The following KIAA0825 variants were observed in gnomAD, a reference collection of about 807,000 sequenced individuals.
The protein encoded by KIAA0825 is uncharacterized protein KIAA0825.
A neutral mutation model predicts 147.6 loss-of-function variants in KIAA0825; 119 were observed. The ratio of observed to expected loss-of-function variants is 0.81; its 90% confidence interval spans 0.69 to 0.94. The LOEUF (loss-of-function observed/expected upper bound fraction) is 0.94, where lower values mean the gene tolerates loss of function less well. Among genes scored for constraint, KIAA0825 ranks in the 40% least tolerant of loss-of-function variants. The probability of loss-of-function intolerance (pLI) is 0.00; values close to 1 mark genes in which losing one functional copy is unlikely to be tolerated. For synonymous variants in KIAA0825, 470 were observed against 518.1 expected, an observed-to-expected ratio of 0.91 and a Z score of 1.26; for missense variants, 1,381 against 1,472.7, an observed-to-expected ratio of 0.94 and a Z score of 1.02.
At chr5:94,253,155 C>A (rs1333709439) in intron 20 of KIAA0825, among the ~76,000 whole-genome samples, 1 of 152,046 alleles carries the variant, frequency 6.6e-6, no homozygotes, top group East Asian at 1.9e-4. Flanking sequence ...CTGTTGATAT[C>A]TTAGATATAT....
intron 2 of KIAA0825, among the ~76,000 whole-genome samples, chr5:94,556,637 C>A (rs1776591648): frequency 6.6e-6 from 1 of 152,174 alleles, no homozygotes. Flanking sequence ...CTACCCATTA[C>A]AATACGCTTT....
chr5:94,159,806 C>T (rs1319623718), intron 20 of KIAA0825, among the ~76,000 whole-genome samples: 1 of 151,994 alleles, frequency 6.6e-6, no homozygotes, highest in East Asian at 1.9e-4. Flanking sequence ...CCTGCGATAA[C>T]CAATAAAATA....
At chr5:94,178,415 A>G (rs923899975) in intron 20 of KIAA0825, among the ~76,000 whole-genome samples, 1 of 151,938 alleles carries the variant, frequency 6.6e-6, no homozygotes, top group Non-Finnish European at 1.5e-5. Context: ...TTAATATTAT[A>G]TGATGTGATC....
At chr5:94,386,550 A>G in intron 18 of KIAA0825, 146 bp from the exon 19 acceptor site, 1 of 661,552 alleles carries the variant, frequency 1.5e-6, no homozygotes, top group Non-Finnish European at 2.5e-6. Context: ...ATATTTTCAG[A>G]AGATACATAG....
intron 20 of KIAA0825, among the ~76,000 whole-genome samples, chr5:94,242,349 C>G (rs1368603275): frequency 1.3e-5 from 2 of 152,086 alleles, no homozygotes; most frequent in Non-Finnish European, 2.9e-5. Context: ...GCTTTCATTC[C>G]CCGCTGATTC....
At chr5:94,379,860 T>C (rs936727244) in intron 20 of KIAA0825, among the ~76,000 whole-genome samples, 1 of 136,482 alleles carries the variant, frequency 7.3e-6, no homozygotes, top group African/African-American at 2.8e-5. Flanking sequence ...TTTTTTTTTT[T>C]TTTTTTTTTT....
chr5:94,501,090 A>G (rs958413154), intron 5 of KIAA0825, among the ~76,000 whole-genome samples: 1 of 152,240 alleles, frequency 6.6e-6, no homozygotes, highest in Non-Finnish European at 1.5e-5. Context: ...GAAAAAAATT[A>G]ATGTAGCACT....
intron 2 of KIAA0825, among the ~76,000 whole-genome samples, chr5:94,558,272 G>A (rs946596941): frequency 6.6e-6 from 1 of 152,142 alleles, no homozygotes; most frequent in African/African-American, 2.4e-5. Context: ...TGGGAGCTCT[G>A]GGAGCAAGGA....
intron 14 of KIAA0825, among the ~76,000 whole-genome samples, chr5:94,437,438 G>A (rs1275875250): frequency 6.6e-6 from 1 of 152,146 alleles, no homozygotes; most frequent in Non-Finnish European, 1.5e-5. Flanking sequence ...AATAGCCTTT[G>A]TTTAAAATGA....
chr5:94,435,525 A>T (rs1424127280), intron 14 of KIAA0825, among the ~76,000 whole-genome samples: 3 of 152,022 alleles, frequency 2.0e-5, no homozygotes, highest in Admixed American at 6.5e-5. Context: ...TCTATCATTG[A>T]TGGGCATTTA....
At chr5:94,161,780 C>T (rs1767609967) in intron 20 of KIAA0825, among the ~76,000 whole-genome samples, 1 of 152,156 alleles carries the variant, frequency 6.6e-6, no homozygotes, top group African/African-American at 2.4e-5. Flanking sequence ...TTATGAGCCT[C>T]AGGAATGTTT....
At chr5:94,352,881 T>A (rs180702017) in intron 20 of KIAA0825, among the ~76,000 whole-genome samples, 41 of 148,782 alleles carry the variant, frequency 2.8e-4, no homozygotes, top group African/African-American at 9.2e-4. Flanking sequence ...GCTATGAGGA[T>A]GCGAAGGCAT....
chr5:94,508,548 A>G (rs751162347), intron 5 of KIAA0825, among the ~76,000 whole-genome samples: 2 of 152,224 alleles, frequency 1.3e-5, no homozygotes, highest in Non-Finnish European at 2.9e-5. Flanking sequence ...AGGGGGGGGA[A>G]GTAAGGAAAT....
chr5:94,297,383 T>C (rs1216379068), intron 20 of KIAA0825, among the ~76,000 whole-genome samples: 3 of 152,238 alleles, frequency 2.0e-5, no homozygotes, highest in African/African-American at 7.2e-5. Flanking sequence ...GGAGTTTTAT[T>C]TGTGTTTAAA....
At chr5:94,406,931 A>T (rs1752142396) in intron 15 of KIAA0825, among the ~76,000 whole-genome samples, 1 of 152,198 alleles carries the variant, frequency 6.6e-6, no homozygotes, top group Admixed American at 6.5e-5. Context: ...ATCCATATTC[A>T]AATTAACTCA....
At chr5:94,612,722 T>G (rs927153256) in intron 1 of KIAA0825, among the ~76,000 whole-genome samples, 3 of 152,184 alleles carry the variant, frequency 2.0e-5, no homozygotes, top group Non-Finnish European at 4.4e-5. Context: ...TTACAAATAA[T>G]GAAACAGTGG....
intron 18 of KIAA0825, among the ~76,000 whole-genome samples, chr5:94,388,004 A>T (rs1749394106): frequency 6.6e-6 from 1 of 152,336 alleles, no homozygotes; most frequent in African/African-American, 2.4e-5. Flanking sequence ...CTTACTTGTT[A>T]TAGAGCAGCA....
intron 8 of KIAA0825, 38 bp downstream of exon 8, chr5:94,473,254 A>C: frequency 6.8e-7 from 1 of 1,478,778 alleles, no homozygotes; most frequent in Non-Finnish European, 9.2e-7. Flanking sequence ...AAATCCCATC[A>C]TGCCAGTCAG....
At chr5:94,263,852 G>C (rs966786052) in intron 20 of KIAA0825, among the ~76,000 whole-genome samples, 1 of 152,090 alleles carries the variant, frequency 6.6e-6, no homozygotes, top group African/African-American at 2.4e-5. Context: ...ACCATCCTCA[G>C]ATCTGCTAGG....
Sources: gnomAD v4.1 joint callset for allele counts (sites outside exome capture counted in the v4.1 genomes callset) on GRCh38, gnomAD v4.1.1 for gene constraint, MANE v1.5 for transcripts, NCBI Gene and HGNC (gene_info 2026-07-23, HGNC 2026-07-21) for gene names.